DOCK5: variants seen among roughly 807,000 people sequenced by gnomAD.
DOCK5 encodes dedicator of cytokinesis 5, also known as dedicator of cytokinesis protein 5.
Under a neutral mutation model 251.8 loss-of-function variants are expected in DOCK5, and 142 were observed. The ratio of observed to expected loss-of-function variants is 0.56; its 90% confidence interval spans 0.49 to 0.65. The LOEUF (loss-of-function observed/expected upper bound fraction) is 0.65, where lower values mean the gene tolerates loss of function less well. DOCK5 is among the 30% of genes least tolerant of loss of function. The pLI, the probability that DOCK5 is intolerant of heterozygous loss-of-function variation, is 0.00. For missense variants in DOCK5, 2,111 were observed against 2,312.3 expected (o/e 0.91, Z 1.79); for synonymous variants, 842 against 835.5 (o/e 1.01, Z -0.13).
At chr8:25,208,935 C>T (rs1305992876) in intron 1 of DOCK5, among the ~76,000 whole-genome samples, 1 of 152,150 alleles carries the variant, frequency 6.6e-6, no homozygotes, top group Non-Finnish European at 1.5e-5. Context: ...TTTTTCATTC[C>T]AGCAGAGCTG....
intron 23 of DOCK5, 39 bp from the exon 24 acceptor site, chr8:25,341,700 G>C (rs756731641): frequency 5.3e-6 from 8 of 1,519,864 alleles, no homozygotes; most frequent in Non-Finnish European, 7.2e-6. Context: ...TATTTGTCTT[G>C]CCTGGCAACT....
In DOCK5 at chr8:25,215,498, G is replaced by A. The variant is rs141686731; in HGVS notation, c.44-28176G>A. Among the ~76,000 whole-genome samples the A allele has an allele frequency of 4.7e-3, 716 of 152,136 alleles. 4 individuals carry two copies. Among genetic ancestry groups the A allele is most frequent in the African/African-American group, 0.016 (684 of 41,522 alleles). ...CATCAGAGGCCGAGTAAGGTCACTGGTGCAACTTGTCCACTATGTGACAGT... is the reference window on the plus strand; with the variant it reads ...CATCAGAGGCCGAGTAAGGTCACTGATGCAACTTGTCCACTATGTGACAGT... On this transcript the variant is annotated intron_variant, in intron 1 of 51. Coordinates refer to ENST00000276440, the MANE Select transcript of DOCK5 (RefSeq NM_024940.8).
intron 2 of DOCK5, among the ~76,000 whole-genome samples, chr8:25,263,044 A>G (rs912677185): frequency 7.2e-5 from 11 of 151,876 alleles, no homozygotes; most frequent in African/African-American, 2.7e-4. Flanking sequence ...TTCTTGAATA[A>G]TATGTTTTTC....
intron 1 of DOCK5, among the ~76,000 whole-genome samples, chr8:25,188,790 G>A (rs1355004757): frequency 3.3e-5 from 5 of 151,920 alleles, no homozygotes; most frequent in African/African-American, 1.2e-4. Flanking sequence ...CCCTGGAGAC[G>A]TGGAAAATGT....
At chr8:25,355,635 A>T (rs1800553734) in intron 27 of DOCK5, among the ~76,000 whole-genome samples, 1 of 152,030 alleles carries the variant, frequency 6.6e-6, no homozygotes, top group African/African-American at 2.4e-5. Context: ...TTTTTAGCAG[A>T]GACGAGGTTT....
chr8:25,333,055 C>T (rs1805718337), intron 20 of DOCK5, among the ~76,000 whole-genome samples: 1 of 152,182 alleles, frequency 6.6e-6, no homozygotes, highest in Admixed American at 6.5e-5. Context: ...AGACTGAATT[C>T]ACAAGTCAGA....
chr8:25,368,142 A>G, intron 31 of DOCK5, 50 bp from the exon 32 acceptor site: 1 of 1,410,404 alleles, frequency 7.1e-7, no homozygotes, highest in Non-Finnish European at 1.0e-6. Context: ...GTGTTTATGC[A>G]ATTCATTTCT....
Position 25,374,645 on chromosome 8 carries a change from G to C in DOCK5, c.3807G>C (p.Glu1269Asp). Residue 1269 changes from glutamate to aspartate, a missense_variant, in exon 37 of 52, where the codon GAG becomes GAC. Around this residue, in one of 3 missense-constraint regions of DOCK5, gnomAD observed 1,717 missense variants for 1,892.4 expected, o/e 0.91. Coordinates refer to ENST00000276440, the MANE Select transcript of DOCK5 (RefSeq NM_024940.8). ...CCTACACGCTTCTCTTGCACGCTGA[G>C]CTTCTGCAGGTGAATGGCTCAGAGA... Reference protein sequence around the residue: ...EAAYTLLLHAELLQWSDKPCV... With the variant: ...EAAYTLLLHADLLQWSDKPCV... 1.1e-5 allele frequency: 18 copies of C among 1,613,922 alleles called. No homozygotes were observed. The highest frequency in any genetic ancestry group is 1.4e-5 in the Non-Finnish European group (17 of 1,179,852).
At chr8:25,278,825 A>G (rs1040044341) in intron 5 of DOCK5, among the ~76,000 whole-genome samples, 160 bp downstream of exon 5, 1 of 152,180 alleles carries the variant, frequency 6.6e-6, no homozygotes, top group Non-Finnish European at 1.5e-5. Context: ...TCATTTCCCC[A>G]GAGCTGGGTC....
At chr8:25,186,823 A>G (rs1417244253) in intron 1 of DOCK5, among the ~76,000 whole-genome samples, 1 of 152,318 alleles carries the variant, frequency 6.6e-6, no homozygotes, top group East Asian at 1.9e-4. Context: ...TTTTATTGCC[A>G]TAGTCCTAGG....
intron 4 of DOCK5, chr8:25,277,035 T>G (rs1804058720): frequency 6.6e-6 from 1 of 152,518 alleles, no homozygotes; most frequent in African/African-American, 2.4e-5. Context: ...AGCCGATGAC[T>G]CTTGTCCTTT....
intron 22 of DOCK5, among the ~76,000 whole-genome samples, chr8:25,339,949 T>C (rs974382501): frequency 6.6e-6 from 1 of 152,198 alleles, no homozygotes. Context: ...TGTGAGATAC[T>C]CCAGCCCCAT....
chr8:25,193,725 A>C (rs1801643866), intron 1 of DOCK5, among the ~76,000 whole-genome samples: 1 of 152,086 alleles, frequency 6.6e-6, no homozygotes, highest in Non-Finnish European at 1.5e-5. Context: ...TGATCGTGCC[A>C]CTGCACTCCA....
At chr8:25,268,924 C>A in intron 3 of DOCK5, 39 bp downstream of exon 3, 2 of 1,501,224 alleles carry the variant, frequency 1.3e-6, no homozygotes, top group Admixed American at 2.1e-5. Flanking sequence ...CATTTGAAAT[C>A]TGTCTGCTAG....
intron 5 of DOCK5, among the ~76,000 whole-genome samples, chr8:25,283,084 T>G (rs1370394479): frequency 6.6e-6 from 1 of 152,132 alleles, no homozygotes; most frequent in African/African-American, 2.4e-5. Flanking sequence ...TAGCTGTGAT[T>G]TATTTTTAGC....
intron 1 of DOCK5, among the ~76,000 whole-genome samples, chr8:25,205,407 A>C (rs1321897233): frequency 6.6e-6 from 1 of 152,164 alleles, no homozygotes; most frequent in Non-Finnish European, 1.5e-5. Flanking sequence ...CAGCCCCCAG[A>C]GCTGTTAGAA....
chr8:25,369,705 G>T (rs1177798626), intron 34 of DOCK5, 64 bp downstream of exon 34: 9 of 1,431,728 alleles, frequency 6.3e-6, no homozygotes, highest in South Asian at 5.0e-5. Context: ...AAAAACAGGG[G>T]TCCTGTTTCA....
At chr8:25,390,027 T>C (rs573259935) in intron 41 of DOCK5, among the ~76,000 whole-genome samples, 179 bp from the exon 42 acceptor site, 2 of 149,046 alleles carry the variant, frequency 1.3e-5, no homozygotes, top group East Asian at 3.9e-4. Flanking sequence ...AATCACTGAA[T>C]AAGGCATTCC....
intron 2 of DOCK5, among the ~76,000 whole-genome samples, chr8:25,245,457 G>T (rs1803073883): frequency 1.3e-5 from 2 of 151,974 alleles, no homozygotes; most frequent in Non-Finnish European, 2.9e-5. Context: ...TATTGTGCAG[G>T]TAAAAAGCAT....
Sources: allele counts gnomAD v4.1 joint callset (sites outside exome capture counted in the v4.1 genomes callset), GRCh38; gene constraint gnomAD v4.1.1; regional missense constraint gnomAD v4.1.1; transcripts MANE v1.5; gene names NCBI Gene and HGNC (gene_info 2026-07-23, HGNC 2026-07-21).